WDR59: variants seen among roughly 807,000 people sequenced by gnomAD.
WDR59 encodes the protein GATOR2 complex protein WDR59.
A neutral mutation model predicts 131.2 loss-of-function variants in WDR59; 100 were observed. The ratio of observed to expected loss-of-function variants is 0.76; its 90% CI spans 0.65 to 0.90. The LOEUF (loss-of-function observed/expected upper bound fraction) is 0.90. Among genes scored for constraint, WDR59 ranks in the 40% least tolerant of loss-of-function variants. The pLI is 0.00. For synonymous variants in WDR59, 601 were observed against 466.2 expected, an observed-to-expected ratio of 1.29 and a Z score of -3.72; for missense variants, 1,203 against 1,262.2, an observed-to-expected ratio of 0.95 and a Z score of 0.71.
At position 74,967,516 on chromosome 16, in the gene WDR59, T is replaced by C. The variant is rs745991124; in HGVS notation, c.55-1694A>G. On this transcript the variant is annotated intron_variant, in intron 1 of 25. Coordinates refer to ENST00000262144, the MANE Select transcript of WDR59 (RefSeq NM_030581.4). ...TCACTGAACACAAATCTAGCTACTA[T>C]TGGGAAGGGATTTTATGGATGTAAT... Among the ~76,000 whole-genome samples, 60 of 152,180 alleles carry C rather than the reference T, an allele frequency of 3.9e-4. 1 individual carries two copies. Among genetic ancestry groups the C allele is most frequent in the Admixed American group, 9.2e-4 (14 of 15,264 alleles).
At chr16:74,935,594 T>C (rs1400022895) in intron 8 of WDR59, among the ~76,000 whole-genome samples, 2 of 152,032 alleles carry the variant, frequency 1.3e-5, no homozygotes, top group African/African-American at 2.4e-5. Flanking sequence ...TAATAAATTG[T>C]CATATAAACT....
Position 74,874,314 on chromosome 16 carries a change from G to A in WDR59, c.2820C>T (p.Thr940=), listed in dbSNP as rs1964097383. ...GGCTGGTGTGGCCACCGTGCCCACA[G>A]GTCAGGCAGAAATTGGACGATCCCC... ...AVRGSSNFCL[T]CGHGGHTSHM... is the part of the protein sequence containing the mutation. Residue 940 remains threonine (T), a synonymous_variant, in exon 26 of 26, where the codon ACC becomes ACT. Transcript: ENST00000262144. The A allele has an allele frequency of 1.2e-6, 2 of 1,614,148 alleles. No individual in the cohort carries two copies. Among genetic ancestry groups the A allele is most frequent in the South Asian group, 1.1e-5 (1 of 91,082 alleles).
At chr16:74,921,153 C>T (rs1038179355) in intron 10 of WDR59, among the ~76,000 whole-genome samples, 1 of 151,992 alleles carries the variant, frequency 6.6e-6, no homozygotes, top group Non-Finnish European at 1.5e-5. Context: ...AAGGCAAACT[C>T]CTGTCATGGG....
chr16:74,980,422 T>C (rs527267384), intron 1 of WDR59, among the ~76,000 whole-genome samples: 1 of 150,652 alleles, frequency 6.6e-6, no homozygotes, highest in South Asian at 2.1e-4. Context: ...CGGTGCGATT[T>C]GGCTCGCTGC....
chr16:74,966,325 C>G (rs374541872), intron 1 of WDR59, among the ~76,000 whole-genome samples: 1 of 151,976 alleles, frequency 6.6e-6, no homozygotes, highest in Non-Finnish European at 1.5e-5. Flanking sequence ...ACTAAAAATA[C>G]AAAAATTAGC....
chr16:74,916,393 A>G, intron 11 of WDR59, 134 bp from the exon 12 acceptor site: 4 of 1,164,412 alleles, frequency 3.4e-6, no homozygotes, highest in South Asian at 2.8e-5. Context: ...GACATAATCA[A>G]AATAGATTTT....
rs1964102996 is a variant in WDR59, at chr16:74,874,393, C to T, written c.2741G>A (p.Cys914Tyr). ...GAACGTGAAGCCTTTGCAGATGGCACACTGCGTGCCACGGACCTCACTCCG... is the reference window on the plus strand; with the variant it reads ...GAACGTGAAGCCTTTGCAGATGGCATACTGCGTGCCACGGACCTCACTCCG... ...HCRSEVRGTQ[C>Y]AICKGFTFQC... Residue 914 changes from cysteine to tyrosine, a missense_variant, in exon 26 of 26, where the codon TGT becomes TAT. By Grantham distance (194) the Cys-to-Tyr change is radical (BLOSUM62 -2). Coordinates refer to ENST00000262144, the MANE Select transcript of WDR59 (RefSeq NM_030581.4). The T allele has an allele frequency of 5.0e-6, 8 of 1,614,120 alleles. No individual in the cohort carries two copies. The highest frequency in any genetic ancestry group is 3.3e-4 in the Middle Eastern group (2 of 6,062).
intron 1 of WDR59, 75 bp from the exon 2 acceptor site, chr16:74,965,897 T>C (rs2033755626): frequency 3.9e-6 from 6 of 1,532,646 alleles, no homozygotes; most frequent in Non-Finnish European, 5.4e-6. Flanking sequence ...TCTGTGGCTC[T>C]TCCTCTTCCT....
At chr16:74,978,136 G>C (rs530694456) in intron 1 of WDR59, among the ~76,000 whole-genome samples, 2 of 151,996 alleles carry the variant, frequency 1.3e-5, no homozygotes. Flanking sequence ...TGGGTGGATC[G>C]TGAGGTCAGG....
intron 6 of WDR59, among the ~76,000 whole-genome samples, chr16:74,947,424 C>T (rs966085246): frequency 2.0e-4 from 30 of 152,236 alleles, no homozygotes; most frequent in African/African-American, 6.7e-4. Context: ...TCAGTGTAAT[C>T]TAATTGTGGA....
At chr16:74,890,276 GA>G (rs1409983528) in intron 20 of WDR59, among the ~76,000 whole-genome samples, 2 of 152,038 alleles carry the variant, frequency 1.3e-5, no homozygotes, top group African/African-American at 2.4e-5. Flanking sequence ...TCAGCCTCCC[GA>G]GTATCTAGGA....
chr16:74,964,203 ACC>A (rs2033673198), intron 2 of WDR59, among the ~76,000 whole-genome samples: 1 of 152,050 alleles, frequency 6.6e-6, no homozygotes, highest in Non-Finnish European at 1.5e-5. Context: ...ATATGGTGAA[ACC>A]CCATCTCTAC....
chr16:74,965,203 T>C (rs1256758333), intron 2 of WDR59, among the ~76,000 whole-genome samples: 2 of 152,216 alleles, frequency 1.3e-5, no homozygotes, highest in Admixed American at 1.3e-4. Context: ...GCTTGATTAT[T>C]ACATTTTATC....
chr16:74,954,751 A>G (rs908678858), intron 3 of WDR59, among the ~76,000 whole-genome samples: 2 of 152,262 alleles, frequency 1.3e-5, no homozygotes, highest in Non-Finnish European at 2.9e-5. Context: ...GGATAGATAA[A>G]CAATTACACA....
chr16:74,901,865 T>C (rs1965569899), intron 18 of WDR59, among the ~76,000 whole-genome samples: 1 of 132,808 alleles, frequency 7.5e-6, no homozygotes, highest in South Asian at 2.6e-4. Context: ...GCTTATGTAA[T>C]TCCCCCCTTG....
intron 1 of WDR59, among the ~76,000 whole-genome samples, chr16:74,971,404 G>A (rs1241870163): frequency 3.0e-5 from 4 of 135,074 alleles, no homozygotes; most frequent in Non-Finnish European, 4.8e-5. Context: ...ATTTTCATCA[G>A]TTTTCCTTCC....
chr16:74,881,088 A>G (rs72796695), intron 25 of WDR59, among the ~76,000 whole-genome samples: 9,460 of 152,254 alleles, frequency 0.062, 360 homozygotes, highest in South Asian at 0.092. Flanking sequence ...ATCATATACC[A>G]CAGTCAGAAA....
At chr16:74,889,836 T>C (rs1417232715) in intron 20 of WDR59, 21 bp from the exon 21 acceptor site, 4 of 1,584,078 alleles carry the variant, frequency 2.5e-6, no homozygotes, top group East Asian at 4.5e-5. Flanking sequence ...CAAAGAGAAA[T>C]ACAAACTCAA....
chr16:74,972,168 T>C (rs2034008260), intron 1 of WDR59, among the ~76,000 whole-genome samples: 1 of 152,226 alleles, frequency 6.6e-6, no homozygotes, highest in Non-Finnish European at 1.5e-5. Flanking sequence ...TGGTGACTTT[T>C]GGCACACTTA....
Sources: gnomAD v4.1 joint callset for allele counts (sites outside exome capture counted in the v4.1 genomes callset) on GRCh38, gnomAD v4.1.1 for gene constraint, MANE v1.5 for transcripts, NCBI Gene and HGNC (gene_info 2026-07-23, HGNC 2026-07-21) for gene names.